The following DDX27 variants were observed in gnomAD, a reference collection of about 807,000 sequenced individuals.
DDX27 encodes DEAD-box helicase 27, also known as probable ATP-dependent RNA helicase DDX27.
DDX27 carries 42 observed loss-of-function variants against 99.3 expected under a neutral mutation model. The ratio of observed to expected loss-of-function variants is 0.42; its 90% CI spans 0.33 to 0.55. DDX27 has a LOEUF of 0.55. Ranked by LOEUF, DDX27 falls within the 20% of genes least tolerant of loss-of-function variation. The pLI is 0.07. For synonymous variants in DDX27, 329 were observed against 353.8 expected (o/e 0.93, Z 0.79); for missense variants, 798 against 976.8 (o/e 0.82, Z 2.44).
At chr20:49,228,994 C>T in intron 8 of DDX27, 106 bp downstream of exon 8, 5 of 985,028 alleles carry the variant, frequency 5.1e-6, no homozygotes, top group East Asian at 3.1e-5. Flanking sequence ...CAGGAGAGGC[C>T]TTTGTGTTGA....
intron 4 of DDX27, 197 bp from the exon 5 acceptor site, chr20:49,224,748 C>T: frequency 1.7e-6 from 1 of 605,706 alleles, no homozygotes; most frequent in Non-Finnish European, 2.9e-6. Context: ...ACCAGAGTCA[C>T]TGGGTTAGCT....
At chr20:49,224,844 C>T in intron 4 of DDX27, 101 bp from the exon 5 acceptor site, 3 of 1,313,070 alleles carry the variant, frequency 2.3e-6, no homozygotes, top group Non-Finnish European at 3.2e-6. Flanking sequence ...GGTCACCCCT[C>T]AGAGGCTGAA....
chr20:49,235,210 G>A, intron 12 of DDX27, 122 bp downstream of exon 12: 1 of 1,202,546 alleles, frequency 8.3e-7, no homozygotes, highest in Admixed American at 3.1e-5. Context: ...CATGATCTTG[G>A]CCTTGAACAT....
intron 7 of DDX27, 44 bp from the exon 8 acceptor site, chr20:49,228,671 A>T (rs759394048): frequency 1.3e-6 from 2 of 1,536,206 alleles, no homozygotes; most frequent in South Asian, 2.4e-5. Context: ...CCCTGGAGGG[A>T]GCTAAACTTC....
Position 49,242,203 on chromosome 20 carries a change from C to T in DDX27, c.2113C>T (p.Pro705Ser), listed in dbSNP as rs774804993. The stretch of plus-strand genomic sequence containing the variant: ...GCCCGAGGAGGAGCCAGTGAGAGGT[C>T]CTGGTAGGTGAATGGGGAGCCCAAA... Reference protein sequence around the residue: ...AMPEEEPVRGPAKKQKQGKKS... With the variant: ...AMPEEEPVRGSAKKQKQGKKS... Residue 705 changes from proline (P) to serine (S), a missense_variant, in exon 18 of 21, where the codon CCT (proline) becomes TCT (serine). Physicochemically the swap from Pro to Ser is moderately conservative, Grantham distance 74. Transcript: ENST00000618172. 11 of 1,613,940 alleles carry T rather than the reference C, an allele frequency of 6.8e-6. No homozygotes were observed. The highest frequency in any genetic ancestry group is 9.3e-6 in the Non-Finnish European group (11 of 1,179,980).
At position 49,224,988 on chromosome 20, in the gene DDX27, A is replaced by G. The variant is rs750542021; in HGVS notation, c.510A>G (p.Gly170=). ...ATCGGAAGAAGAAGAAGAAGAAAGG[A>G]CAGGTGAGCTTGGGGCTGCAAGACA... ...VKDRKKKKKK[G]QEAGGFFEDA... Residue 170 remains glycine (G), a synonymous_variant, in exon 5 of 21, where the codon GGA becomes GGG. Coordinates refer to ENST00000618172, the MANE Select transcript of DDX27 (RefSeq NM_017895.8). 2 of 1,614,058 alleles carry G rather than the reference A, an allele frequency of 1.2e-6. No individual in the cohort carries two copies. Among genetic ancestry groups the G allele is most frequent in the African/African-American group, 2.7e-5 (2 of 74,924 alleles).
intron 7 of DDX27, 44 bp downstream of exon 7, chr20:49,226,579 C>A: frequency 1.4e-6 from 2 of 1,474,482 alleles, no homozygotes; most frequent in Non-Finnish European, 9.5e-7. Flanking sequence ...GGTGTTACGG[C>A]CAGGGCTGGG....
chr20:49,240,362 T>G (rs1354924022), intron 16 of DDX27, among the ~76,000 whole-genome samples: 2 of 152,250 alleles, frequency 1.3e-5, no homozygotes, highest in African/African-American at 4.8e-5. Flanking sequence ...CATTGTTCTA[T>G]GCCTCGCCTT....
chr20:49,233,763 C>T (rs188001005), intron 11 of DDX27, 54 bp downstream of exon 11: 1,261 of 1,589,700 alleles, frequency 7.9e-4, no homozygotes, highest in Non-Finnish European at 1.0e-3. Context: ...TCCTTGAGCT[C>T]GTAGTATCCA....
At chr20:49,228,658 T>C (rs1210681641) in intron 7 of DDX27, 57 bp from the exon 8 acceptor site, 1 of 1,473,830 alleles carries the variant, frequency 6.8e-7, no homozygotes, top group Non-Finnish European at 9.1e-7. Context: ...GGTGAAAACC[T>C]AACCCTGGAG....
intron 12 of DDX27, chr20:49,235,342 CAG>C: frequency 2.7e-6 from 1 of 374,122 alleles, no homozygotes; most frequent in Non-Finnish European, 4.7e-6. Flanking sequence ...TGTGGCGTGA[CAG>C]AGGAAGCTGG....
At chr20:49,239,102 A>C in intron 15 of DDX27, 47 bp downstream of exon 15, 4 of 1,551,846 alleles carry the variant, frequency 2.6e-6, no homozygotes, top group Non-Finnish European at 3.6e-6. Flanking sequence ...CTCAGTAAGC[A>C]AGCTGCTGCA....
intron 1 of DDX27, among the ~76,000 whole-genome samples, chr20:49,220,829 CAAAA>C (rs1979637497): frequency 6.6e-6 from 1 of 151,078 alleles, no homozygotes; most frequent in African/African-American, 2.4e-5. Context: ...TTGCTAAAAA[CAAAA>C]CAAAACAAAA....
chr20:49,234,613 T>A (rs1980243223), intron 11 of DDX27: 1 of 206,594 alleles, frequency 4.8e-6, no homozygotes, highest in Admixed American at 5.7e-5. Flanking sequence ...CGGGCCTTCA[T>A]GTTTGCCATT....
intron 9 of DDX27, among the ~76,000 whole-genome samples, chr20:49,231,500 G>A (rs238171): frequency 0.67 from 102,530 of 152,036 alleles, 35,382 homozygotes; most frequent in Non-Finnish European, 0.76. Context: ...CAAAAAAGGC[G>A]GAGGAAGTAT....
intron 16 of DDX27, 166 bp from the exon 17 acceptor site, chr20:49,241,727 C>A (rs1980481444): frequency 1.4e-6 from 1 of 715,042 alleles, no homozygotes; most frequent in East Asian, 2.7e-5. Flanking sequence ...CCTCAGCCTC[C>A]CAAAGTGCTG....
chr20:49,233,742 G>C (rs1318452589), intron 11 of DDX27, 33 bp downstream of exon 11: 2 of 1,602,240 alleles, frequency 1.2e-6, no homozygotes, highest in Non-Finnish European at 1.7e-6. Context: ...GGCAGGGTGG[G>C]CTGGTCAGCT....
chr20:49,237,169 A>T (rs1434557802), intron 14 of DDX27, among the ~76,000 whole-genome samples: 2 of 146,100 alleles, frequency 1.4e-5, no homozygotes, highest in Non-Finnish European at 3.0e-5. Context: ...GCCTGTCTCT[A>T]AAAAAAAAAA....
rs200224653 is a variant in DDX27, at chr20:49,239,251, C to G, written c.1810C>G (p.Arg604Gly). ...ATCTCTACAGATCAATACAGCAAAG[C>G]GGCTCCTGGAGAAGGGGAAGGAGGC... is the stretch of plus-strand genomic sequence containing the variant. ...QSEAQINTAK[R>G]LLEKGKEAVV... The change falls in exon 16 of 21, where the codon CGG (arginine) becomes GGG (glycine). Residue 604 changes from arginine to glycine, a missense_variant. Arg to Gly is a moderately radical substitution (Grantham distance 125). This residue lies in a region of DDX27 where 553 missense variants were observed against 727.9 expected (regional missense o/e 0.76). Coordinates refer to ENST00000618172, the MANE Select transcript of DDX27 (RefSeq NM_017895.8). 1 of 1,613,950 alleles carries G rather than the reference C, an allele frequency of 6.2e-7. No homozygotes were observed. The highest frequency in any genetic ancestry group is 8.5e-7 in the Non-Finnish European group (1 of 1,179,976).
Sources: gnomAD v4.1 joint callset for allele counts (sites outside exome capture counted in the v4.1 genomes callset) on GRCh38, gnomAD v4.1.1 for gene constraint, gnomAD v4.1.1 regional missense constraint, MANE v1.5 for transcripts, NCBI Gene and HGNC (gene_info 2026-07-23, HGNC 2026-07-21) for gene names.